Variants in DNAAF3 observed in about 807,000 individuals in gnomAD.
DNAAF3 encodes the protein dynein axonemal assembly factor 3.
DNAAF3 carries 40 observed loss-of-function variants against 50.9 expected under a neutral mutation model. The observed-to-expected ratio is 0.79, with a 90% CI of 0.61 to 1.02. DNAAF3 has a LOEUF of 1.02. Ranked by LOEUF, DNAAF3 falls within the 50% of genes least tolerant of loss-of-function variation. The pLI, the probability that DNAAF3 is intolerant of heterozygous loss-of-function variation, is 0.00. For missense variants in DNAAF3, 763 were observed against 744.7 expected (o/e 1.02, Z -0.29); for synonymous variants, 327 against 322.8 (o/e 1.01, Z -0.14).
At chr19:55,164,981 A>T (rs1044285847) in intron 4 of DNAAF3, among the ~76,000 whole-genome samples, 1 of 151,850 alleles carries the variant, frequency 6.6e-6, no homozygotes, top group Non-Finnish European at 1.5e-5. Context: ...CACACTGGAA[A>T]ATACCAAACA....
In DNAAF3 at chr19:55,161,690, G is replaced by C; in HGVS notation, c.616C>G (p.Arg206Gly). The change falls in exon 6 of 12, where the codon CGC becomes GGC. Residue 206 changes from arginine (R) to glycine (G), a missense_variant. Physicochemically the swap from Arg to Gly is moderately radical, Grantham distance 125 (BLOSUM62 -2). Coordinates refer to ENST00000524407, the MANE Select transcript of DNAAF3 (RefSeq NM_001256715.2). The surrounding 1 kb of genome is among the most constrained non-coding windows in gnomAD (Gnocchi z 6.4). ...CGCAGGTCCCAGTCGCTGACACCGC[G>C]CCGGGCGTCGTAGCGGGAGCCCAGG... ...HYLGSRYDAR[R>G]GVSDWDLRMK... 2 of 1,540,482 alleles carry C rather than the reference G, an allele frequency of 1.3e-6. No individual in the cohort carries two copies. Among genetic ancestry groups the C allele is most frequent in the South Asian group, 1.2e-5 (1 of 83,944 alleles).
At position 55,160,744 on chromosome 19, in the gene DNAAF3, G is replaced by T; in HGVS notation, c.944C>A (p.Thr315Lys). 6.2e-7 allele frequency: 1 copy of T among 1,612,246 alleles called. No homozygotes were observed. ...GGCGGCCACGTCGCGGAGCAGCTCC[G>T]TCACGTTGTGTTGAGTGATCTCCCC... The part of the protein sequence containing the change: ...TAGEITQHNV[T>K]ELLRDVAAWG... Residue 315 changes from threonine to lysine, a missense_variant, in exon 9 of 12, where the codon ACG (threonine) becomes AAG (lysine). Transcript: ENST00000524407. The surrounding 1 kb of genome is among the most constrained non-coding windows in gnomAD (Gnocchi z 4.7).
chr19:55,160,080 T>G lies in DNAAF3; in HGVS notation c.1049-67A>C, dbSNP rs1465730888. 1 of 1,098,186 alleles carries G rather than the reference T, an allele frequency of 9.1e-7. No homozygotes were observed. Among genetic ancestry groups the G allele is most frequent in the Non-Finnish European group, 1.4e-6 (1 of 716,760 alleles). The allele number at this position is 1,098,186 out of a possible 1,614,324, so 68.0% of individuals were successfully genotyped here. A position where few individuals can be genotyped will look rare whatever the true frequency, so the allele number is the denominator to read the frequency against. ...CCATAAGGGCGGAAAACCAGAGAGA[T>G]ACACAGAGCTGGGCAGAGCTGGGCA... On this transcript the variant is annotated intron_variant, in intron 9 of 11. Transcript: ENST00000524407. This position sits in a 1 kb window ranked among gnomAD's most constrained non-coding sequence, Gnocchi z 4.7.
Position 55,166,584 on chromosome 19 carries a change from C to T in DNAAF3, c.-66G>A, listed in dbSNP as rs767742922. ...TCTGCTCAGTGCAGCACTGTGGACC[C>T]GCGGCACTCCACAACCGCTGCCCAG... On this transcript the variant is annotated 5_prime_UTR_variant, in exon 1 of 12. Transcript: ENST00000524407. The surrounding 1 kb of genome is among the most constrained non-coding windows in gnomAD (Gnocchi z 4.0). The T allele has an allele frequency of 6.2e-7, 1 of 1,614,192 alleles. No homozygotes were observed. The highest frequency in any genetic ancestry group is 8.5e-7 in the Non-Finnish European group (1 of 1,180,032).
rs1310184086 is a variant in DNAAF3 at position 55,166,431 on chromosome 19, A to G, written c.-4-14T>C. 2.8e-5 allele frequency: 45 copies of G among 1,613,916 alleles called. No homozygotes were observed. The highest frequency in any genetic ancestry group is 1.1e-4 in the East Asian group (5 of 44,868). On this transcript the variant is annotated splice_polypyrimidine_tract_variant and intron_variant, in intron 1 of 11. Transcript: ENST00000524407. This position sits in a 1 kb window ranked among gnomAD's most constrained non-coding sequence, Gnocchi z 4.0. ...GTGGTCATCACCCTGCGGAAAAGAC[A>G]TTCTGGGAATCGCACACATTGCCCG...
Position 55,161,320 on chromosome 19 carries a change from G to T in DNAAF3, c.762C>A (p.Thr254=). 1 of 1,611,086 alleles carries T rather than the reference G, an allele frequency of 6.2e-7. No homozygotes were observed. The highest frequency in any genetic ancestry group is 1.1e-5 in the South Asian group (1 of 90,854). The change falls in exon 7 of 12, where the codon ACC becomes ACA. Residue 254 remains threonine (T), a synonymous_variant. Coordinates refer to ENST00000524407, the MANE Select transcript of DNAAF3 (RefSeq NM_001256715.2). This position sits in a 1 kb window ranked among gnomAD's most constrained non-coding sequence, Gnocchi z 6.4. ...DSSAYHVPNR[T]LASGRLLSYR... ...AGCTCAGGAGGCGACCGGACGCCAG[G>T]GTCCGGTTGGGCACATGATAGGCGC...
intron 4 of DNAAF3, among the ~76,000 whole-genome samples, chr19:55,164,789 C>T (rs1279562593): frequency 6.6e-6 from 1 of 152,102 alleles, no homozygotes; most frequent in East Asian, 1.9e-4. Flanking sequence ...TCCCAAAGTG[C>T]TGGGATTACA....
In DNAAF3 at chr19:55,166,414, C is replaced by T. The variant is rs1182875435; in HGVS notation, c.-1G>A. ...TGCCGGAGCCGGCAGGTGTGGTCAT[C>T]ACCCTGCGGAAAAGACATTCTGGGA... On this transcript the variant is annotated 5_prime_UTR_variant, in exon 2 of 12. Coordinates refer to ENST00000524407, the MANE Select transcript of DNAAF3 (RefSeq NM_001256715.2). The surrounding 1 kb of genome is among the most constrained non-coding windows in gnomAD (Gnocchi z 4.0). The T allele has an allele frequency of 1.9e-6, 3 of 1,613,922 alleles. No individual in the cohort carries two copies. The highest frequency in any genetic ancestry group is 2.5e-6 in the Non-Finnish European group (3 of 1,179,914).
chr19:55,160,983 G>T lies in DNAAF3; in HGVS notation c.912+82C>A. On this transcript the variant is annotated intron_variant, in intron 8 of 11. Coordinates refer to ENST00000524407, the MANE Select transcript of DNAAF3 (RefSeq NM_001256715.2). This position sits in a 1 kb window ranked among gnomAD's most constrained non-coding sequence, Gnocchi z 4.7. ...CGGGCGGGGTCTGGAGCTGGGGGCG[G>T]GGCCTGCTGTGGGGGCGGGGCCTTG... 1 of 1,470,806 alleles carries T rather than the reference G, an allele frequency of 6.8e-7. No individual in the cohort carries two copies. The highest frequency in any genetic ancestry group is 9.0e-7 in the Non-Finnish European group (1 of 1,114,292). The allele number at this position is 1,470,806 out of a possible 1,614,324, so 91.1% of individuals were successfully genotyped here.
Position 55,162,997 on chromosome 19 carries a change from C to CTTTTT in DNAAF3, c.323-712_323-708dup, listed in dbSNP as rs576178532. On this transcript the variant is annotated intron_variant, in intron 4 of 11. Transcript: ENST00000524407. ...TTTTATTTCTTTTTCTTTTCTTTTT[C>CTTTTT]TTTTTTTTTTTTTTTTTTTTTTTTT... is the stretch of plus-strand genomic sequence containing the variant. Among the ~76,000 whole-genome samples, 214 of 92,200 alleles carry CTTTTT rather than the reference C, an allele frequency of 2.3e-3. 4 individuals are homozygous for CTTTTT. The highest frequency in any genetic ancestry group is 3.2e-3 in the Non-Finnish European group (152 of 46,854). The allele number at this position is 92,200 out of a possible 152,430, so 60.5% of individuals were successfully genotyped here.
chr19:55,159,370 C>G lies in DNAAF3; in HGVS notation c.1318G>C (p.Ala440Pro), dbSNP rs1256829875. The change falls in exon 12 of 12, where the codon GCT becomes CCT. Residue 440 changes from alanine (A) to proline (P), a missense_variant. Physicochemically the swap from Ala to Pro is conservative, Grantham distance 27. Coordinates refer to ENST00000524407, the MANE Select transcript of DNAAF3 (RefSeq NM_001256715.2). The part of the protein sequence containing the change: ...VRELAQAAGF[A>P]PQTGARPSET... ...GAAGGCCTGGCCCCGGTCTGTGGAGCAAATCCAGCTGCCTGAGCTAGCTCC... is the reference window on the plus strand; with the variant it reads ...GAAGGCCTGGCCCCGGTCTGTGGAGGAAATCCAGCTGCCTGAGCTAGCTCC... The G allele has an allele frequency of 6.2e-7, 1 of 1,614,064 alleles. No individual in the cohort carries two copies. The highest frequency in any genetic ancestry group is 1.3e-5 in the African/African-American group (1 of 74,934).
chr19:55,160,534 G>A lies in DNAAF3; in HGVS notation c.1048+106C>T, dbSNP rs971224006. 4 of 1,553,766 alleles carry A rather than the reference G, an allele frequency of 2.6e-6. No homozygotes were observed. The African/African-American group carries it at 4.1e-5, about 16-fold the overall frequency. On this transcript the variant is annotated intron_variant, in intron 9 of 11. Transcript: ENST00000524407. The surrounding 1 kb of genome is among the most constrained non-coding windows in gnomAD (Gnocchi z 4.7). ...GAGAGAAAAAGAGACAGAATATCAA[G>A]AAGCCGTCACTTGCCCAGGCATTCC...
At chr19:55,162,833 T>C in intron 4 of DNAAF3, 1 of 316,942 alleles carries the variant, frequency 3.2e-6, no homozygotes, top group Non-Finnish European at 4.6e-6. Context: ...TGAGACAGTG[T>C]CTCACTCTGT....
rs1289871458 is a variant in DNAAF3, at chr19:55,160,067, A to G, written c.1049-54T>C. 3.2e-6 allele frequency: 4 copies of G among 1,249,234 alleles called. No individual in the cohort carries two copies. The East Asian group carries it at 7.0e-5, about 22-fold the overall frequency. 77.4% of individuals were successfully genotyped at this position (1,249,234 alleles called of 1,614,324 possible). A position where few individuals can be genotyped will look rare whatever the true frequency, so the allele number is the denominator to read the frequency against. ...CTGACAGGCGGAGCCATAAGGGCGG[A>G]AAACCAGAGAGATACACAGAGCTGG... On this transcript the variant is annotated intron_variant, in intron 9 of 11. Transcript: ENST00000524407. The surrounding 1 kb of genome is among the most constrained non-coding windows in gnomAD (Gnocchi z 4.7).
In DNAAF3 at chr19:55,159,977, A is replaced by G. The variant is rs2085791806; in HGVS notation, c.1085T>C (p.Leu362Pro). Residue 362 changes from leucine (L) to proline (P), a missense_variant, in exon 10 of 12, where the codon CTG becomes CCG. By Grantham distance (98) the Leu-to-Pro change is moderately conservative (BLOSUM62 -3). Transcript: ENST00000524407. ...GAGAGTCTGAGCAGAATTGAGCGGCAGGAAGTGGACGGTGAAAGATTCCGG... is the reference window on the plus strand; with the variant it reads ...GAGAGTCTGAGCAGAATTGAGCGGCGGGAAGTGGACGGTGAAAGATTCCGG... ...PTPESFTVHF[L>P]PLNSAQTLHH... 6.5e-7 allele frequency: 1 copy of G among 1,550,040 alleles called. No individual in the cohort carries two copies. The highest frequency in any genetic ancestry group is 1.1e-5 in the South Asian group (1 of 90,006).
At position 55,160,981 on chromosome 19, in the gene DNAAF3, C is replaced by T. The variant is rs2085816920; in HGVS notation, c.912+84G>A. 2 of 1,465,726 alleles carry T rather than the reference C, an allele frequency of 1.4e-6. No homozygotes were observed. Among genetic ancestry groups the T allele is most frequent in the Admixed American group, 2.4e-5 (1 of 41,326 alleles). The allele number at this position is 1,465,726 out of a possible 1,614,324, so 90.8% of individuals were successfully genotyped here. A position where few individuals can be genotyped will look rare whatever the true frequency, so the allele number is the denominator to read the frequency against. The stretch of plus-strand genomic sequence containing the variant: ...GACGGGCGGGGTCTGGAGCTGGGGG[C>T]GGGGCCTGCTGTGGGGGCGGGGCCT... On this transcript the variant is annotated intron_variant, in intron 8 of 11. Coordinates refer to ENST00000524407, the MANE Select transcript of DNAAF3 (RefSeq NM_001256715.2). The surrounding 1 kb of genome is among the most constrained non-coding windows in gnomAD (Gnocchi z 4.7).
At chr19:55,162,706 A>C in intron 4 of DNAAF3, 1 of 978,570 alleles carries the variant, frequency 1.0e-6, no homozygotes, top group Non-Finnish European at 1.2e-6. Flanking sequence ...AATAATACAA[A>C]TTGTAAAATA....
At position 55,166,186 on chromosome 19, in the gene DNAAF3, T is replaced by C. The variant is rs2085935803; in HGVS notation, c.85+143A>G. The C allele has an allele frequency of 1.4e-5, 21 of 1,548,476 alleles. No homozygotes were observed. The Admixed American group carries it at 1.4e-4, about 10-fold the overall frequency. The stretch of plus-strand genomic sequence containing the variant: ...GCAGACAGGACCTCGGGGCTGCCCC[T>C]GGGAGCGCGCCCTCTGCCGCTGGAG... On this transcript the variant is annotated intron_variant, in intron 2 of 11. Transcript: ENST00000524407. This position sits in a 1 kb window ranked among gnomAD's most constrained non-coding sequence, Gnocchi z 4.0.
chr19:55,161,556 C>A lies in DNAAF3; in HGVS notation c.663+87G>T, dbSNP rs2085832732. On this transcript the variant is annotated intron_variant, in intron 6 of 11. Coordinates refer to ENST00000524407, the MANE Select transcript of DNAAF3 (RefSeq NM_001256715.2). The surrounding 1 kb of genome is among the most constrained non-coding windows in gnomAD (Gnocchi z 6.4). ...ACCCAGGAGTTCAGGCCCCCAAACC[C>A]TCCTCCCTCAGACTCAGGAGGCCCC... The A allele has an allele frequency of 4.1e-6, 6 of 1,472,178 alleles. No individual in the cohort carries two copies. The highest frequency in any genetic ancestry group is 5.4e-6 in the Non-Finnish European group (6 of 1,112,738). The allele number at this position is 1,472,178 out of a possible 1,614,324, so 91.2% of individuals were successfully genotyped here.
Sources: gnomAD v4.1 joint callset for allele counts (sites outside exome capture counted in the v4.1 genomes callset) on GRCh38, gnomAD v4.1.1 for gene constraint, Gnocchi (gnomAD v3.1) non-coding constraint, MANE v1.5 for transcripts, NCBI Gene and HGNC (gene_info 2026-07-23, HGNC 2026-07-21) for gene names.